Variants in XG observed in about 807,000 individuals in gnomAD.
The protein encoded by XG is Xg glycoprotein (Xg blood group), also known as glycoprotein Xg.
XG carries 24 observed loss-of-function variants against 25.7 expected under a neutral mutation model. That is an observed-to-expected ratio of 0.93 (90% CI 0.68 to 1.31). The LOEUF is 1.31. XG is among the 40% of genes most tolerant of loss of function. XG has a pLI of 0.00. For synonymous variants in XG, 77 were observed against 69.2 expected, an observed-to-expected ratio of 1.11 and a Z score of -0.56; for missense variants, 181 against 187.6, an observed-to-expected ratio of 0.96 and a Z score of 0.21.
chrX:2,757,333 G>A (rs1412628181), intron 1 of XG, among the ~76,000 whole-genome samples: 8 of 151,640 alleles, frequency 5.3e-5, no homozygotes, highest in Non-Finnish European at 1.2e-4. Flanking sequence ...GGCAACATTT[G>A]GGCACAAAAA....
chrX:2,762,650 A>C (rs1056753753), intron 1 of XG, among the ~76,000 whole-genome samples: 1 of 152,250 alleles, frequency 6.6e-6, no homozygotes, highest in Non-Finnish European at 1.5e-5. Flanking sequence ...AGTAGAATTC[A>C]GCCCTTGGCA....
chrX:2,775,592 A>G (rs2050961497), intron 3 of XG, among the ~76,000 whole-genome samples: 1 of 152,162 alleles, frequency 6.6e-6, no homozygotes. Flanking sequence ...AGTGCCCCTG[A>G]ATTATTCACT....
chrX:2,767,767 G>T (rs2535446), intron 1 of XG, among the ~76,000 whole-genome samples: 82 of 152,092 alleles, frequency 5.4e-4, no homozygotes, highest in African/African-American at 1.9e-3. Flanking sequence ...CCTGGCATGC[G>T]GGACTGGAGA....
intron 1 of XG, among the ~76,000 whole-genome samples, chrX:2,753,767 G>C (rs1045406831): frequency 6.6e-6 from 1 of 152,084 alleles, no homozygotes; most frequent in Non-Finnish European, 1.5e-5. Flanking sequence ...ATTTTTAGTA[G>C]AGACTGGGTT....
In XG at chrX:2,770,587, C is replaced by G; in HGVS notation, c.99C>G (p.Asp33Glu). 6.2e-7 allele frequency: 1 copy of G among 1,613,924 alleles called. No homozygotes were observed. Among genetic ancestry groups the G allele is most frequent in the Non-Finnish European group, 8.5e-7 (1 of 1,179,858 alleles). Residue 33 changes from aspartate to glutamate, a missense_variant, in exon 2 of 11, where the codon GAC (aspartate) becomes GAG (glutamate). By Grantham distance (45) the Asp-to-Glu change is conservative. Coordinates refer to ENST00000644266, the MANE Select transcript of XG (RefSeq NM_001141919.2). ...RDFDLADALD[D>E]PEPTKKPNSD... ...TTGATTTGGCAGATGCCCTTGATGACCCTGGTAAGTGCCGATATTTCAAGG... is the reference window on the plus strand; with the variant it reads ...TTGATTTGGCAGATGCCCTTGATGAGCCTGGTAAGTGCCGATATTTCAAGG...
At chrX:2,789,544 C>T (rs1467051542) in intron 4 of XG, 100 bp from the exon 5 acceptor site, 3 of 472,949 alleles carry the variant, frequency 6.3e-6, no homozygotes, top group African/African-American at 2.5e-5. Flanking sequence ...AAGCAATGGG[C>T]AGTAACATCT....
chrX:2,808,244 C>T, intron 9 of XG, 24 bp downstream of exon 9: 1 of 1,208,952 alleles, frequency 8.3e-7, no homozygotes, highest in Non-Finnish European at 1.1e-6. Flanking sequence ...TCACCCGGTC[C>T]CAACCTTTAA....
Position 2,778,389 on chromosome X carries a change from A to T in XG, c.127+3650A>T, listed in dbSNP as rs147744721. ...GAGACCCCATCTTTACAAAAAAATT[A>T]AAAAAAATTAGTGGACATGGTGGCA... On this transcript the variant is annotated intron_variant, in intron 3 of 10. Transcript: ENST00000644266. Among the ~76,000 whole-genome samples the T allele has an allele frequency of 8.5e-3, 1,295 of 151,958 alleles. 22 individuals carry two copies. The highest frequency in any genetic ancestry group is 0.028 in the African/African-American group (1,172 of 41,444).
intron 8 of XG, among the ~76,000 whole-genome samples, chrX:2,807,419 T>G (rs2087010135): frequency 1.8e-5 from 2 of 111,860 alleles, no homozygotes; most frequent in Admixed American, 1.9e-4. Flanking sequence ...TACATGCGTG[T>G]GTACAGGCAT....
At chrX:2,788,667 C>G (rs1485239792) in intron 4 of XG, among the ~76,000 whole-genome samples, 4 of 110,652 alleles carry the variant, frequency 3.6e-5, no homozygotes, top group African/African-American at 1.3e-4. Flanking sequence ...CCAGCCTGGG[C>G]AACATAGTGA....
chrX:2,782,741 T>C (rs2086743332), intron 4 of XG, among the ~76,000 whole-genome samples: 1 of 111,506 alleles, frequency 9.0e-6, no homozygotes, highest in Non-Finnish European at 1.9e-5. Flanking sequence ...GGTTTTACAA[T>C]AGTGATGTTA....
chrX:2,787,102 G>A (rs746097179), intron 4 of XG, among the ~76,000 whole-genome samples: 7 of 109,192 alleles, frequency 6.4e-5, no homozygotes, highest in Non-Finnish European at 1.3e-4. Flanking sequence ...AAGCCCAGGA[G>A]AGAGGCCTCA....
chrX:2,805,237 A>G (rs1422455101), intron 7 of XG, among the ~76,000 whole-genome samples: 2 of 112,478 alleles, frequency 1.8e-5, no homozygotes, highest in Non-Finnish European at 3.8e-5. Flanking sequence ...CCCTGCGGAG[A>G]CTGGGGAGAA....
intron 10 of XG, 34 bp downstream of exon 10, chrX:2,811,486 A>G (rs762414007): frequency 6.1e-5 from 63 of 1,030,809 alleles, no homozygotes; most frequent in Non-Finnish European, 7.1e-5. Flanking sequence ...TTTGCTTGTT[A>G]CTAAGCCTGA....
chrX:2,797,359 C>T lies in XG; in HGVS notation c.372C>T (p.His124=), dbSNP rs969388580. 8.5e-6 allele frequency: 10 copies of T among 1,178,987 alleles called. No individual in the cohort carries two copies. The highest frequency in any genetic ancestry group is 6.1e-5 in the East Asian group (2 of 32,598). Residue 124 remains histidine (H), a splice_region_variant and synonymous_variant, in exon 7 of 11, where the codon CAC becomes CAT. Transcript: ENST00000644266. The part of the protein sequence containing the change: ...YSSYGNSDNT[H]GRGGYRLNSR... The stretch of plus-strand genomic sequence containing the variant: ...GTTATGGCAACTCCGACAACACGCA[C>T]GGTACCCCTACATCTGGGCATGCGA...
rs759059762 is a variant in XG, at chrX:2,776,165, A to T, written c.127+1426A>T. 3.0e-3 allele frequency among the ~76,000 whole-genome samples: 458 copies of T among 151,954 alleles called. 4 individuals are homozygous for T. Among genetic ancestry groups the T allele is most frequent in the African/African-American group, 0.01 (434 of 41,396 alleles). ...TTGAGACAAATTAAGAGTCCTTTAT[A>T]AGCCAGCGACCGAGAGACGGCTAAT... On this transcript the variant is annotated intron_variant, in intron 3 of 10. Coordinates refer to ENST00000644266, the MANE Select transcript of XG (RefSeq NM_001141919.2).
intron 1 of XG, among the ~76,000 whole-genome samples, chrX:2,764,517 A>G (rs1423171417): frequency 6.6e-6 from 1 of 151,940 alleles, no homozygotes; most frequent in African/African-American, 2.4e-5. Flanking sequence ...AACTGGAGTC[A>G]AAGAGAAACC....
intron 7 of XG, among the ~76,000 whole-genome samples, chrX:2,801,913 T>G (rs988825191): frequency 2.7e-5 from 3 of 110,029 alleles, no homozygotes; most frequent in African/African-American, 6.6e-5. Flanking sequence ...TTCACCGTGT[T>G]AGCCAGGATG....
intron 1 of XG, among the ~76,000 whole-genome samples, chrX:2,760,140 A>T (rs2050531448): frequency 6.6e-6 from 1 of 152,094 alleles, no homozygotes; most frequent in Non-Finnish European, 1.5e-5. Context: ...AGATTGCACC[A>T]CTGCACTCCA....
Sources: gnomAD v4.1 joint callset for allele counts (sites outside exome capture counted in the v4.1 genomes callset) on GRCh38, gnomAD v4.1.1 for gene constraint, MANE v1.5 for transcripts, NCBI Gene and HGNC (gene_info 2026-07-23, HGNC 2026-07-21) for gene names.